The following KCNU1 variants were observed in gnomAD, a reference collection of about 807,000 sequenced individuals.
The protein encoded by KCNU1 is potassium calcium-activated channel subfamily U member 1.
In KCNU1, 93 loss-of-function variants were observed where a neutral mutation model predicts 126.8. That is an observed-to-expected ratio of 0.73 (90% confidence interval 0.62 to 0.87). KCNU1 has a LOEUF of 0.87. Among genes scored for constraint, KCNU1 ranks in the 40% least tolerant of loss-of-function variants. KCNU1 has a pLI of 0.00. For synonymous variants in KCNU1, 523 were observed against 494.2 expected, an observed-to-expected ratio of 1.06 and a Z score of -0.77; for missense variants, 1,330 against 1,367.1, an observed-to-expected ratio of 0.97 and a Z score of 0.43.
intron 19 of KCNU1, among the ~76,000 whole-genome samples, chr8:36,867,272 A>G (rs1015739563): frequency 6.6e-6 from 1 of 152,120 alleles, no homozygotes; most frequent in African/African-American, 2.4e-5. Flanking sequence ...GGTGGGATTT[A>G]GAAAGGTGGG....
At chr8:36,880,879 T>C (rs1806450638) in intron 19 of KCNU1, among the ~76,000 whole-genome samples, 1 of 152,108 alleles carries the variant, frequency 6.6e-6, no homozygotes, top group South Asian at 2.1e-4. Flanking sequence ...ACAGAAAGAA[T>C]TGAATATTCT....
intron 19 of KCNU1, among the ~76,000 whole-genome samples, chr8:36,892,809 T>A (rs1204796941): frequency 1.3e-5 from 2 of 152,070 alleles, no homozygotes; most frequent in African/African-American, 2.4e-5. Flanking sequence ...GTTTGTGCAG[T>A]CTCAAGATCA....
intron 7 of KCNU1, among the ~76,000 whole-genome samples, chr8:36,813,535 T>A (rs1158244666): frequency 1.3e-5 from 2 of 150,498 alleles, no homozygotes; most frequent in African/African-American, 4.9e-5. Flanking sequence ...TTACATATAT[T>A]TATAAAAAAT....
chr8:36,790,801 T>A (rs188020402), intron 2 of KCNU1, among the ~76,000 whole-genome samples: 2 of 152,096 alleles, frequency 1.3e-5, no homozygotes, highest in East Asian at 3.9e-4. Context: ...ATTAAACAGC[T>A]CCAGGTCATG....
At chr8:36,840,659 G>T in intron 15 of KCNU1, 84 bp downstream of exon 15, 1 of 818,544 alleles carries the variant, frequency 1.2e-6, no homozygotes, top group South Asian at 1.5e-5. Flanking sequence ...TATAGGCCAG[G>T]CTTCATTACA....
chr8:36,784,449 C>T lies in KCNU1; in HGVS notation c.39C>T (p.Asp13=), dbSNP rs2130301114. The T allele has an allele frequency of 1.9e-6, 3 of 1,613,362 alleles. No homozygotes were observed. The highest frequency in any genetic ancestry group is 2.5e-6 in the Non-Finnish European group (3 of 1,179,652). The stretch of plus-strand genomic sequence containing the variant: ...AGCTACGAAATGAAACTTGGGAAGA[C>T]TTGCCAAAAATGTCCTGCACAACTG... ...QTKLRNETWE[D]LPKMSCTTEI... The change falls in exon 1 of 27, where the codon GAC becomes GAT. Residue 13 remains aspartate, a synonymous_variant. Coordinates refer to ENST00000399881, the MANE Select transcript of KCNU1 (RefSeq NM_001031836.3).
chr8:36,826,271 C>G (rs80021484), intron 10 of KCNU1, among the ~76,000 whole-genome samples: 45,275 of 150,428 alleles, frequency 0.3, 7,585 homozygotes, highest in African/African-American at 0.44. Flanking sequence ...GCGCAGTGGC[C>G]TGATCTTGGC....
intron 1 of KCNU1, among the ~76,000 whole-genome samples, chr8:36,785,394 T>C (rs1034285737): frequency 2.0e-5 from 3 of 152,216 alleles, no homozygotes; most frequent in African/African-American, 7.2e-5. Context: ...TTATAGCAAT[T>C]TCCATAACAC....
chr8:36,840,535 TC>T lies in KCNU1; in HGVS notation c.1592del (p.Ser531LeufsTer7). ...AAACAAAATTCTGACCCAACGTCTCTCTGATGACTTTGCTGGAATGAGCTTT... is the reference window on the plus strand; with the variant it reads ...AAACAAAATTCTGACCCAACGTCTCTTGATGACTTTGCTGGAATGAGCTTT... ...MKNKILTQRL[S>X]DDFAGMSFPE... On this transcript the variant is annotated frameshift_variant, in exon 15 of 27. Coordinates refer to ENST00000399881, the MANE Select transcript of KCNU1 (RefSeq NM_001031836.3). LOFTEE classifies it high-confidence loss of function. The T allele has an allele frequency of 6.2e-7, 1 of 1,612,634 alleles. No individual in the cohort carries two copies. The highest frequency in any genetic ancestry group is 1.7e-4 in the Middle Eastern group (1 of 6,056).
intron 22 of KCNU1, among the ~76,000 whole-genome samples, chr8:36,918,289 C>A (rs1298309235): frequency 6.6e-6 from 1 of 152,034 alleles, no homozygotes; most frequent in South Asian, 2.1e-4. Flanking sequence ...TAGCTGTAAT[C>A]CCAGCACTTC....
intron 21 of KCNU1, 113 bp from the exon 22 acceptor site, chr8:36,910,817 G>T (rs1048963626): frequency 4.1e-5 from 27 of 658,268 alleles, no homozygotes; most frequent in African/African-American, 3.9e-4. Context: ...AGTCAGCAAA[G>T]GTTGGAGCTC....
chr8:36,844,493 G>C (rs902387047), intron 16 of KCNU1, among the ~76,000 whole-genome samples: 3 of 152,240 alleles, frequency 2.0e-5, no homozygotes, highest in Admixed American at 6.5e-5. Flanking sequence ...TCCTTCCAAA[G>C]TTAAAACCAA....
chr8:36,827,450 G>A (rs767422139), intron 10 of KCNU1, among the ~76,000 whole-genome samples: 13 of 152,142 alleles, frequency 8.5e-5, no homozygotes, highest in Non-Finnish European at 1.9e-4. Context: ...TGCTTCTTCT[G>A]AATTGTAAAA....
intron 7 of KCNU1, among the ~76,000 whole-genome samples, chr8:36,809,359 T>C (rs2130435870): frequency 6.6e-6 from 1 of 152,300 alleles, no homozygotes; most frequent in East Asian, 1.9e-4. Flanking sequence ...TTGAGGACAG[T>C]TGAAGAGCAG....
chr8:36,793,729 T>C (rs902700247), intron 2 of KCNU1, among the ~76,000 whole-genome samples: 1 of 148,540 alleles, frequency 6.7e-6, no homozygotes, highest in African/African-American at 2.6e-5. Context: ...GTTGTCCTAG[T>C]GTAATTGTTA....
intron 19 of KCNU1, among the ~76,000 whole-genome samples, chr8:36,865,412 C>A (rs1805868756): frequency 6.6e-6 from 1 of 152,006 alleles, no homozygotes; most frequent in Non-Finnish European, 1.5e-5. Context: ...CTCCCATGTT[C>A]ATTGCAGCAG....
At chr8:36,820,644 C>G (rs772898073) in intron 10 of KCNU1, among the ~76,000 whole-genome samples, 2 of 150,724 alleles carry the variant, frequency 1.3e-5, no homozygotes, top group Non-Finnish European at 3.0e-5. Context: ...CTTTAGTTTT[C>G]GAGCAGAACT....
At chr8:36,849,624 C>T (rs537155512) in intron 18 of KCNU1, among the ~76,000 whole-genome samples, 92 of 152,028 alleles carry the variant, frequency 6.1e-4, no homozygotes, top group Middle Eastern at 3.4e-3. Flanking sequence ...CCACCAAAAA[C>T]CTCATTTCTT....
chr8:36,787,478 T>C, intron 2 of KCNU1, 53 bp downstream of exon 2: 1 of 1,540,834 alleles, frequency 6.5e-7, no homozygotes, highest in Non-Finnish European at 8.8e-7. Flanking sequence ...ATAGGTGTGA[T>C]TATAGTCAGC....
Sources: allele counts gnomAD v4.1 joint callset (sites outside exome capture counted in the v4.1 genomes callset), GRCh38; gene constraint gnomAD v4.1.1; transcripts MANE v1.5; gene names NCBI Gene and HGNC (gene_info 2026-07-23, HGNC 2026-07-21).